UQCRFS1: variants seen among roughly 807,000 people sequenced by gnomAD.
The protein encoded by UQCRFS1 is cytochrome b-c1 complex subunit Rieske, mitochondrial.
Under a neutral mutation model 15.6 loss-of-function variants are expected in UQCRFS1, and 6 were observed. The ratio of observed to expected loss-of-function variants is 0.38; its 90% CI spans 0.21 to 0.76. The LOEUF is 0.76. UQCRFS1 is among the 30% of genes least tolerant of loss of function. UQCRFS1 has a pLI of 0.44. For missense variants in UQCRFS1, 203 were observed against 366.7 expected, an observed-to-expected ratio of 0.55 and a Z score of 3.65; for synonymous variants, 105 against 154.3, an observed-to-expected ratio of 0.68 and a Z score of 2.37.
At chr19:29,208,612 G>C (rs1208698219) in intron 1 of UQCRFS1, among the ~76,000 whole-genome samples, 1 of 152,120 alleles carries the variant, frequency 6.6e-6, no homozygotes, top group African/African-American at 2.4e-5. Flanking sequence ...AGTCCACACA[G>C]TAAGTTGACG....
At chr19:29,211,410 A>G (rs2078331169) in intron 1 of UQCRFS1, among the ~76,000 whole-genome samples, 5 of 152,182 alleles carry the variant, frequency 3.3e-5, no homozygotes, top group Admixed American at 3.3e-4. Flanking sequence ...TCTCACCTCC[A>G]GGTCCCAAGG....
intron 1 of UQCRFS1, among the ~76,000 whole-genome samples, chr19:29,212,185 C>G (rs1976660618): frequency 1.3e-5 from 2 of 152,268 alleles, no homozygotes; most frequent in South Asian, 2.1e-4. Context: ...ATAGCCCCTG[C>G]GAAGAGCTCA....
intron 1 of UQCRFS1, among the ~76,000 whole-genome samples, chr19:29,210,640 T>C (rs147026230): frequency 0.014 from 2,155 of 152,108 alleles, 50 homozygotes; most frequent in African/African-American, 0.05. Context: ...ACAGTTTACT[T>C]AGAATGATGA....
At position 29,206,016 on chromosome 19, in the gene UQCRFS1, A is replaced by C. The variant is rs1299176447; in HGVS notation, c.*1532T>G. 6.6e-6 allele frequency: 1 copy of C among 152,162 alleles called. No individual in the cohort carries two copies. The highest frequency in any genetic ancestry group is 1.5e-5 in the Non-Finnish European group (1 of 68,038). 9.4% of individuals were successfully genotyped at this position (152,162 alleles called of 1,614,324 possible). On this transcript the variant is annotated 3_prime_UTR_variant, in exon 2 of 2. Coordinates refer to ENST00000304863, the MANE Select transcript of UQCRFS1 (RefSeq NM_006003.3). Reference sequence around the variant, plus strand: ...TTCAGGGTGGGAGGTGATATAGGTTATCAGTATTTCTCTATAGGGAGGGGG... The same window carrying C: ...TTCAGGGTGGGAGGTGATATAGGTTCTCAGTATTTCTCTATAGGGAGGGGG...
Position 29,208,090 on chromosome 19 carries a change from C to G in UQCRFS1, c.283G>C (p.Glu95Gln). The change falls in exon 2 of 2, where the codon GAA (glutamate) becomes CAA (glutamine). Residue 95 changes from glutamate (E) to glutamine (Q), a missense_variant. Physicochemically the swap from Glu to Gln is conservative, Grantham distance 29. Transcript: ENST00000304863. Reference protein sequence around the residue: ...VPDFSEYRRLEVLDSTKSSRE... With the variant: ...VPDFSEYRRLQVLDSTKSSRE... ...GAAGACTTCGTACTATCTAAAACTT[C>G]AAGGCGGCGGTATTCAGAGAAGTCA... is the stretch of plus-strand genomic sequence containing the variant. 6.2e-7 allele frequency: 1 copy of G among 1,614,118 alleles called. No individual in the cohort carries two copies.
At position 29,206,148 on chromosome 19, in the gene UQCRFS1, C is replaced by A. The variant is rs1976592472; in HGVS notation, c.*1400G>T. 2 of 152,162 alleles carry A rather than the reference C, an allele frequency of 1.3e-5. No homozygotes were observed. Among genetic ancestry groups the A allele is most frequent in the South Asian group, 4.1e-4 (2 of 4,824 alleles). 9.4% of individuals were successfully genotyped at this position (152,162 alleles called of 1,614,324 possible). The stretch of plus-strand genomic sequence containing the variant: ...CTCTGCCACCAACCCTTCCTCCAAC[C>A]CCCAATCCGAAGAGTGCCTCCACTA... On this transcript the variant is annotated 3_prime_UTR_variant, in exon 2 of 2. Transcript: ENST00000304863.
rs1976594259 is a variant in UQCRFS1, at chr19:29,206,308, T to C, written c.*1240A>G. The C allele has an allele frequency of 6.6e-6, 1 of 152,232 alleles. No individual in the cohort carries two copies. The highest frequency in any genetic ancestry group is 2.4e-5 in the African/African-American group (1 of 41,462). 9.4% of individuals were successfully genotyped at this position (152,232 alleles called of 1,614,324 possible). A position where few individuals can be genotyped will look rare whatever the true frequency, so the allele number is the denominator to read the frequency against. Reference sequence around the variant, plus strand: ...CATAGAAAGTTTGACATTTTCTTTTTTCTGTCAACACCTAGCTATTAACAT... The same window carrying C: ...CATAGAAAGTTTGACATTTTCTTTTCTCTGTCAACACCTAGCTATTAACAT... On this transcript the variant is annotated 3_prime_UTR_variant, in exon 2 of 2. Transcript: ENST00000304863.
At position 29,205,683 on chromosome 19, in the gene UQCRFS1, G is replaced by T. The variant is rs1976586554; in HGVS notation, c.*1865C>A. 1 of 152,188 alleles carries T rather than the reference G, an allele frequency of 6.6e-6. No individual in the cohort carries two copies. The highest frequency in any genetic ancestry group is 1.5e-5 in the Non-Finnish European group (1 of 68,026). The allele number at this position is 152,188 out of a possible 1,614,324, so 9.4% of individuals were successfully genotyped here. A position where few individuals can be genotyped will look rare whatever the true frequency, so the allele number is the denominator to read the frequency against. On this transcript the variant is annotated 3_prime_UTR_variant, in exon 2 of 2. Transcript: ENST00000304863. The stretch of plus-strand genomic sequence containing the variant: ...CTAGCTGGTCAGGTTTATTCTGTAA[G>T]TAATTTTCTCCTACTATCTAGGATT...
intron 1 of UQCRFS1, 52 bp from the exon 2 acceptor site, chr19:29,208,210 G>A: frequency 6.5e-7 from 1 of 1,533,782 alleles, no homozygotes; most frequent in Non-Finnish European, 8.7e-7. Context: ...TATCCCGAAG[G>A]GAGTATATAT....
At chr19:29,208,447 C>A (rs954103563) in intron 1 of UQCRFS1, among the ~76,000 whole-genome samples, 1 of 152,218 alleles carries the variant, frequency 6.6e-6, no homozygotes, top group Non-Finnish European at 1.5e-5. Context: ...TCAGGATTCA[C>A]AACACCTCAG....
rs577887684 is a variant in UQCRFS1 at position 29,210,969 on chromosome 19, C to T, written c.214+1936G>A. ...CACAATGGTTGAACTAGTTTACAGT[C>T]CCACCAACAGTGTAAAAGTGTTCCT... On this transcript the variant is annotated intron_variant, in intron 1 of 1. Coordinates refer to ENST00000304863, the MANE Select transcript of UQCRFS1 (RefSeq NM_006003.3). Among the ~76,000 whole-genome samples the T allele has an allele frequency of 1.3e-4, 19 of 151,940 alleles. No homozygotes were observed. The South Asian group carries it at 3.5e-3, about 28-fold the overall frequency.
Position 29,207,327 on chromosome 19 carries a change from C to T in UQCRFS1, c.*221G>A, listed in dbSNP as rs552937484. Reference sequence around the variant, plus strand: ...TAGCTAAAAGACATTGTACCTTTCGCGTGTATGACTGAGCATAACAGTGCT... The same window carrying T: ...TAGCTAAAAGACATTGTACCTTTCGTGTGTATGACTGAGCATAACAGTGCT... On this transcript the variant is annotated 3_prime_UTR_variant, in exon 2 of 2. Transcript: ENST00000304863. 792 of 524,248 alleles carry T rather than the reference C, an allele frequency of 1.5e-3. 3 individuals are homozygous for T. Among genetic ancestry groups the T allele is most frequent in the Non-Finnish European group, 1.4e-3 (441 of 311,302 alleles). The allele number at this position is 524,248 out of a possible 1,614,324, so 32.5% of individuals were successfully genotyped here. A position where few individuals can be genotyped will look rare whatever the true frequency, so the allele number is the denominator to read the frequency against.
chr19:29,212,971 G>A lies in UQCRFS1; in HGVS notation c.148C>T (p.Leu50Phe). 22 of 1,401,264 alleles carry A rather than the reference G, an allele frequency of 1.6e-5. No individual in the cohort carries two copies. The highest frequency in any genetic ancestry group is 1.9e-5 in the Non-Finnish European group (21 of 1,090,270). 86.8% of individuals were successfully genotyped at this position (1,401,264 alleles called of 1,614,324 possible). ...TGGCCGCTCAGCGACTCCCGGCTGA[G>A]GAAGGGCCGCTTCAGGTCCAACACA... is the stretch of plus-strand genomic sequence containing the variant. ...QPVLDLKRPF[L>F]SRESLSGQAV... The change falls in exon 1 of 2, where the codon CTC becomes TTC. Residue 50 changes from leucine (L) to phenylalanine (F), a missense_variant. Coordinates refer to ENST00000304863, the MANE Select transcript of UQCRFS1 (RefSeq NM_006003.3).
chr19:29,212,072 A>G (rs1336653389), intron 1 of UQCRFS1, among the ~76,000 whole-genome samples: 1 of 152,204 alleles, frequency 6.6e-6, no homozygotes, highest in East Asian at 1.9e-4. Flanking sequence ...CTGCAGACAC[A>G]CTGCCCACAG....
chr19:29,208,052 G>C lies in UQCRFS1; in HGVS notation c.321C>G (p.Ser107Arg). 5 of 1,614,040 alleles carry C rather than the reference G, an allele frequency of 3.1e-6. No individual in the cohort carries two copies. The highest frequency in any genetic ancestry group is 4.2e-6 in the Non-Finnish European group (5 of 1,179,906). ...AATAGGAGAAACCTTTCCTAGCCTCGCTGCTTTCTCTTGAAGACTTCGTAC... is the reference window on the plus strand; with the variant it reads ...AATAGGAGAAACCTTTCCTAGCCTCCCTGCTTTCTCTTGAAGACTTCGTAC... ...LDSTKSSRESSEARKGFSYLV... is the reference protein window; with the variant it reads ...LDSTKSSRESREARKGFSYLV... The change falls in exon 2 of 2, where the codon AGC becomes AGG. Residue 107 changes from serine to arginine, a missense_variant. Ser to Arg is a moderately radical substitution (Grantham distance 110). Transcript: ENST00000304863.
chr19:29,209,708 T>C (rs1321215306), intron 1 of UQCRFS1, among the ~76,000 whole-genome samples: 1 of 152,202 alleles, frequency 6.6e-6, no homozygotes, highest in South Asian at 2.1e-4. Flanking sequence ...CATAAATTAC[T>C]TGCTCCTAGC....
chr19:29,210,759 T>C (rs1226402268), intron 1 of UQCRFS1, among the ~76,000 whole-genome samples: 4 of 152,194 alleles, frequency 2.6e-5, no homozygotes, highest in Non-Finnish European at 2.9e-5. Flanking sequence ...CGGTCTATCA[T>C]TGTTGGACAT....
At chr19:29,211,450 GAC>G (rs2145207752) in intron 1 of UQCRFS1, among the ~76,000 whole-genome samples, 1 of 152,286 alleles carries the variant, frequency 6.6e-6, no homozygotes, top group African/African-American at 2.4e-5. Context: ...ACCTGCCATG[GAC>G]AGTTTCTTCA....
intron 1 of UQCRFS1, among the ~76,000 whole-genome samples, chr19:29,210,294 T>A (rs1599711321): frequency 1.3e-5 from 2 of 152,200 alleles, no homozygotes; most frequent in African/African-American, 4.8e-5. Flanking sequence ...CAGAAAAGGT[T>A]TTTGCCTTAT....
Sources: gnomAD v4.1 joint callset for allele counts (sites outside exome capture counted in the v4.1 genomes callset) on GRCh38, gnomAD v4.1.1 for gene constraint, MANE v1.5 for transcripts, NCBI Gene and HGNC (gene_info 2026-07-23, HGNC 2026-07-21) for gene names.